Variants in FAM107A observed in about 807,000 individuals in gnomAD.
The protein encoded by FAM107A is family with sequence similarity 107 member A.
A neutral mutation model predicts 13.7 loss-of-function variants in FAM107A; 19 were observed. The ratio of observed to expected loss-of-function variants is 1.38; its 90% confidence interval spans 0.97 to 2.03. The LOEUF is 2.03. Ranked by LOEUF, FAM107A falls within the 30% of genes most tolerant of loss-of-function variation. The pLI is 0.00. For missense variants in FAM107A, 203 were observed against 184.4 expected (o/e 1.10, Z -0.58); for synonymous variants, 82 against 74.5 (o/e 1.10, Z -0.52).
intron 1 of FAM107A, among the ~76,000 whole-genome samples, chr3:58,592,871 C>T (rs2065665047): frequency 6.6e-6 from 1 of 152,170 alleles, no homozygotes; most frequent in African/African-American, 2.4e-5. Context: ...CAATCTCATC[C>T]CAGACACCAG....
At chr3:58,591,758 C>T (rs143100326), upstream of FAM107A, among the ~76,000 whole-genome samples, 12 of 152,312 alleles carry the variant, frequency 7.9e-5, no homozygotes, top group East Asian at 2.1e-3. The surrounding 1 kb of genome is among the most constrained non-coding windows in gnomAD (Gnocchi z 4.3). Context: ...ACTCTTTCAG[C>T]CCTGCTTCCT....
At chr3:58,620,498 C>T (rs189219556) in intron 1 of FAM107A, among the ~76,000 whole-genome samples, 10 of 152,370 alleles carry the variant, frequency 6.6e-5, no homozygotes, top group Admixed American at 2.0e-4. Flanking sequence ...TCGGCTGAGC[C>T]GGTATCTTTT....
At chr3:58,574,318 T>C (rs1042199781) in intron 1 of FAM107A, 2 of 152,208 alleles carry the variant, frequency 1.3e-5, no homozygotes, top group African/African-American at 2.4e-5. Context: ...ACCACAGGGA[T>C]TCTGATTTAA....
Position 58,564,252 on chromosome 3 carries a change from T to A in FAM107A, c.*2336A>T, listed in dbSNP as rs2063599072. 6.6e-6 allele frequency: 1 copy of A among 152,270 alleles called. No individual in the cohort carries two copies. Among genetic ancestry groups the A allele is most frequent in the South Asian group, 2.1e-4 (1 of 4,834 alleles). The allele number at this position is 152,270 out of a possible 1,614,324, so 9.4% of individuals were successfully genotyped here. On this transcript the variant is annotated 3_prime_UTR_variant, in exon 4 of 4. Transcript: ENST00000360997. The surrounding 1 kb of genome is among the most constrained non-coding windows in gnomAD (Gnocchi z 5.6). ...CTTTTTGTCATGGTAGCAAAGTGGC[T>A]GCTGTGGCTCCAGGCATCACACCCT...
chr3:58,594,377 A>G (rs2065681177), intron 1 of FAM107A, among the ~76,000 whole-genome samples: 1 of 152,170 alleles, frequency 6.6e-6, no homozygotes, highest in Non-Finnish European at 1.5e-5. Context: ...ATACACCATG[A>G]AAATCAAACC....
Position 58,602,252 on chromosome 3 carries a change from C to G in FAM107A, c.-69-12983G>C, listed in dbSNP as rs575961429. On this transcript the variant is annotated intron_variant, in intron 1 of 3. Coordinates refer to the FAM107A transcript ENST00000465970. ...CCAGAAATCAAAGAAAATGCACGCT[C>G]AAGCAACAATGGGGTATTATCTTTC... Among the ~76,000 whole-genome samples, 3 of 152,234 alleles carry G rather than the reference C, an allele frequency of 2.0e-5. No homozygotes were observed. In the South Asian group the frequency reaches 6.2e-4, roughly 32 times the overall value.
At chr3:58,620,450 T>C (rs1235815208) in intron 1 of FAM107A, among the ~76,000 whole-genome samples, 1 of 152,234 alleles carries the variant, frequency 6.6e-6, no homozygotes, top group Non-Finnish European at 1.5e-5. Context: ...CATATAGATA[T>C]TTGAGATCCA....
upstream of FAM107A, among the ~76,000 whole-genome samples, chr3:58,590,745 A>T (rs956007834): frequency 1.3e-5 from 2 of 152,182 alleles, no homozygotes; most frequent in Non-Finnish European, 2.9e-5. Flanking sequence ...TGCCCCCATG[A>T]TCTAATCACC....
In FAM107A at chr3:58,565,225, C is replaced by T. The variant is rs1185574804; in HGVS notation, c.*1363G>A. ...ATATGTGGGTCTCACACAGGAAAGG[C>T]CTTCTGAAGAAGAAAAATGGGTGAA... On this transcript the variant is annotated 3_prime_UTR_variant, in exon 4 of 4. Transcript: ENST00000360997. The T allele has an allele frequency of 6.6e-6, 1 of 151,936 alleles. No individual in the cohort carries two copies. The highest frequency in any genetic ancestry group is 1.5e-5 in the Non-Finnish European group (1 of 68,018). 9.4% of individuals were successfully genotyped at this position (151,936 alleles called of 1,614,324 possible). A position where few individuals can be genotyped will look rare whatever the true frequency, so the allele number is the denominator to read the frequency against.
Position 58,565,259 on chromosome 3 carries a change from AG to A in FAM107A, c.*1328del, listed in dbSNP as rs2063608293. On this transcript the variant is annotated 3_prime_UTR_variant, in exon 4 of 4. Coordinates refer to ENST00000360997, the MANE Select transcript of FAM107A (RefSeq NM_001076778.3). ...GAAGAAAAATGGGTGAATTCACTGG[AG>A]TTGGCCCAGCTAGGGGTTGGGTCTC... is the stretch of plus-strand genomic sequence containing the variant. The A allele has an allele frequency of 6.6e-6, 1 of 151,924 alleles. No individual in the cohort carries two copies. Among genetic ancestry groups the A allele is most frequent in the Non-Finnish European group, 1.5e-5 (1 of 67,990 alleles). The allele number at this position is 151,924 out of a possible 1,614,324, so 9.4% of individuals were successfully genotyped here. A position where few individuals can be genotyped will look rare whatever the true frequency, so the allele number is the denominator to read the frequency against.
Position 58,617,917 on chromosome 3 carries a change from G to T in FAM107A, c.-70+9499C>A, listed in dbSNP as rs2065918323. Among the ~76,000 whole-genome samples, 1 of 152,234 alleles carries T rather than the reference G, an allele frequency of 6.6e-6. No homozygotes were observed. The highest frequency in any genetic ancestry group is 2.4e-5 in the African/African-American group (1 of 41,460). On this transcript the variant is annotated intron_variant, in intron 1 of 3. Transcript: ENST00000465970. The surrounding 1 kb of genome is among the most constrained non-coding windows in gnomAD (Gnocchi z 4.5). ...AAACAAGTCCATGAGAACGTGGGCT[G>T]TGGAGCCAGAAGTATCCAAGTTCAA...
chr3:58,577,523 A>G, upstream of FAM107A: 1 of 985,438 alleles, frequency 1.0e-6, no homozygotes, highest in Non-Finnish European at 1.2e-6. The surrounding 1 kb of genome is among the most constrained non-coding windows in gnomAD (Gnocchi z 4.9). Flanking sequence ...CTATAGTAAC[A>G]GATATTCCAC....
intron 1 of FAM107A, among the ~76,000 whole-genome samples, chr3:58,606,378 G>A (rs763540900): frequency 3.3e-5 from 5 of 152,318 alleles, no homozygotes; most frequent in African/African-American, 1.2e-4. Context: ...TTACAGGTGT[G>A]AGCCACCATG....
intron 1 of FAM107A, among the ~76,000 whole-genome samples, chr3:58,572,435 T>A (rs1482253768): frequency 6.6e-6 from 1 of 151,810 alleles, no homozygotes; most frequent in Non-Finnish European, 1.5e-5. Context: ...GATCTGACAG[T>A]TGAGAATGAG....
intron 1 of FAM107A, among the ~76,000 whole-genome samples, chr3:58,614,506 C>CTTTTTTTTT (rs200625039): frequency 7.2e-6 from 1 of 139,412 alleles, no homozygotes; most frequent in African/African-American, 2.7e-5. Context: ...TTCTTTCTTT[C>CTTTTTTTTT]TTTTTTTTTT....
intron 1 of FAM107A, among the ~76,000 whole-genome samples, chr3:58,622,950 G>A (rs151119569): frequency 7.4e-4 from 113 of 152,292 alleles, no homozygotes; most frequent in East Asian, 2.7e-3. Flanking sequence ...CAGAGAAGCC[G>A]TCTGAGGCGG....
upstream of FAM107A, among the ~76,000 whole-genome samples, chr3:58,589,742 T>C (rs954939183): frequency 7.9e-5 from 12 of 152,246 alleles, no homozygotes; most frequent in African/African-American, 2.9e-4. Flanking sequence ...GTCCCTTTTC[T>C]GTTCCAGGAT....
intron 1 of FAM107A, among the ~76,000 whole-genome samples, chr3:58,597,566 G>C (rs996424164): frequency 6.6e-6 from 1 of 152,178 alleles, no homozygotes; most frequent in Non-Finnish European, 1.5e-5. Flanking sequence ...CTTATTCAGG[G>C]ATGTGTCTGC....
chr3:58,595,178 A>C (rs2065687368), intron 1 of FAM107A, among the ~76,000 whole-genome samples: 1 of 151,540 alleles, frequency 6.6e-6, no homozygotes, highest in South Asian at 2.1e-4. Flanking sequence ...ATCGCCCATT[A>C]TCTCTCCATA....
Sources: gnomAD v4.1 joint callset for allele counts (sites outside exome capture counted in the v4.1 genomes callset) on GRCh38, gnomAD v4.1.1 for gene constraint, Gnocchi (gnomAD v3.1) non-coding constraint, MANE v1.5 for transcripts, NCBI Gene and HGNC (gene_info 2026-07-23, HGNC 2026-07-21) for gene names.